Variants in RAB11FIP2 observed in about 807,000 individuals in gnomAD.
RAB11FIP2 encodes the protein RAB11 family interacting protein 2.
Under a neutral mutation model 40.9 loss-of-function variants are expected in RAB11FIP2, and 16 were observed. The observed-to-expected ratio is 0.39, with a 90% CI of 0.26 to 0.59. The LOEUF (loss-of-function observed/expected upper bound fraction) is 0.59, where lower values mean the gene tolerates loss of function less well. Ranked by LOEUF, RAB11FIP2 falls within the 20% of genes least tolerant of loss-of-function variation. RAB11FIP2 has a pLI of 0.53. For synonymous variants in RAB11FIP2, 228 were observed against 213.7 expected, an observed-to-expected ratio of 1.07 and a Z score of -0.58; for missense variants, 532 against 606.2, an observed-to-expected ratio of 0.88 and a Z score of 1.28.
chr10:118,038,495 A>T (rs888652598), intron 3 of RAB11FIP2, among the ~76,000 whole-genome samples: 2 of 152,150 alleles, frequency 1.3e-5, no homozygotes, highest in Non-Finnish European at 2.9e-5. Context: ...CCACTTCTAA[A>T]TAGCCATTTA....
chr10:118,044,659 T>C (rs1846603449), intron 1 of RAB11FIP2, among the ~76,000 whole-genome samples: 2 of 152,112 alleles, frequency 1.3e-5, no homozygotes, highest in Admixed American at 1.3e-4. Context: ...GGTTAAGACC[T>C]GATTTAAAAT....
intron 1 of RAB11FIP2, 67 bp downstream of exon 1, chr10:118,045,744 C>T: frequency 7.6e-7 from 1 of 1,315,448 alleles, no homozygotes; most frequent in South Asian, 1.5e-5. Context: ...CGGATAATTT[C>T]CAAGAACAGA....
intron 3 of RAB11FIP2, among the ~76,000 whole-genome samples, chr10:118,027,043 A>G (rs1255231800): frequency 6.6e-6 from 1 of 152,082 alleles, no homozygotes; most frequent in African/African-American, 2.4e-5. Context: ...ATTCCACCTA[A>G]TTTATTTAAA....
In RAB11FIP2 at chr10:118,040,412, ATCTTT is replaced by A; in HGVS notation, c.502_506del (p.Lys168Ter). 1 of 1,613,822 alleles carries A rather than the reference ATCTTT, an allele frequency of 6.2e-7. No individual in the cohort carries two copies. Among genetic ancestry groups the A allele is most frequent in the African/African-American group, 1.3e-5 (1 of 75,008 alleles). The stretch of plus-strand genomic sequence containing the variant: ...CATCATTTTTTCTACCCTTCATCTT[ATCTTT>A]TAACTTTGCAAAAGGAGATCTGGTT... On this transcript the variant is annotated frameshift_variant, in exon 2 of 5. Coordinates refer to ENST00000355624, the MANE Select transcript of RAB11FIP2 (RefSeq NM_014904.3). LOFTEE classifies it high-confidence loss of function.
In RAB11FIP2 at chr10:118,009,137, A is replaced by C; in HGVS notation, c.1400T>G (p.Leu467Arg). Residue 467 changes from leucine to arginine, a missense_variant, in exon 5 of 5, where the codon CTT becomes CGT. Physicochemically the swap from Leu to Arg is moderately radical, Grantham distance 102 (BLOSUM62 -2). Transcript: ENST00000355624. The stretch of plus-strand genomic sequence containing the variant: ...CCGGATGTGGGTGTCTTTCCTCCTA[A>C]GGAGTTCTTTGTGTTTCACCAGCTC... ...LQELVKHKELLRRKDTHIREL... is the reference protein window; with the variant it reads ...LQELVKHKELRRRKDTHIREL... The C allele has an allele frequency of 6.2e-7, 1 of 1,613,524 alleles. No individual in the cohort carries two copies. The highest frequency in any genetic ancestry group is 8.5e-7 in the Non-Finnish European group (1 of 1,179,556).
At position 118,005,798 on chromosome 10, in the gene RAB11FIP2, C is replaced by T. The variant is rs995059990; in HGVS notation, c.*3200G>A. 2.6e-5 allele frequency: 4 copies of T among 151,782 alleles called. No homozygotes were observed. The highest frequency in any genetic ancestry group is 5.9e-5 in the Non-Finnish European group (4 of 67,856). The allele number at this position is 151,782 out of a possible 1,614,324, so 9.4% of individuals were successfully genotyped here. A position where few individuals can be genotyped will look rare whatever the true frequency, so the allele number is the denominator to read the frequency against. ...TCTTTGTTAAAGAATAAGCACCCTT[C>T]CGGGGATGGTAGGCAGGGAGGCGTG... is the stretch of plus-strand genomic sequence containing the variant. On this transcript the variant is annotated 3_prime_UTR_variant, in exon 5 of 5. Coordinates refer to ENST00000355624, the MANE Select transcript of RAB11FIP2 (RefSeq NM_014904.3).
At chr10:118,032,272 A>G (rs1386429488) in intron 3 of RAB11FIP2, among the ~76,000 whole-genome samples, 6 of 152,046 alleles carry the variant, frequency 3.9e-5, no homozygotes, top group African/African-American at 1.4e-4. Flanking sequence ...GTCATTCATC[A>G]CTATTGACTC....
chr10:118,027,253 AAC>A (rs1846354075), intron 3 of RAB11FIP2, among the ~76,000 whole-genome samples: 1 of 152,226 alleles, frequency 6.6e-6, no homozygotes, highest in African/African-American at 2.4e-5. Flanking sequence ...CCACGCGGCT[AAC>A]AGAGACTCAA....
chr10:118,014,189 C>A (rs1846189431), intron 4 of RAB11FIP2, among the ~76,000 whole-genome samples: 1 of 152,042 alleles, frequency 6.6e-6, no homozygotes, highest in African/African-American at 2.4e-5. Flanking sequence ...CTTCTTCTAG[C>A]CATGTCACAT....
At chr10:118,012,567 A>G (rs543550570) in intron 4 of RAB11FIP2, among the ~76,000 whole-genome samples, 3 of 152,042 alleles carry the variant, frequency 2.0e-5, no homozygotes, top group Admixed American at 6.5e-5. Flanking sequence ...ATAACTCCAA[A>G]TAAAATAATG....
chr10:118,044,964 A>AT (rs958029854), intron 1 of RAB11FIP2, among the ~76,000 whole-genome samples: 8 of 151,948 alleles, frequency 5.3e-5, no homozygotes, highest in African/African-American at 1.7e-4. Flanking sequence ...CTAAAAACAT[A>AT]TTTTTTTTCA....
chr10:118,013,201 A>C (rs1174056983), intron 4 of RAB11FIP2, among the ~76,000 whole-genome samples: 1 of 152,072 alleles, frequency 6.6e-6, no homozygotes, highest in East Asian at 1.9e-4. Context: ...ACTGACATCC[A>C]AGGCAACTAG....
intron 3 of RAB11FIP2, chr10:118,033,846 G>A: frequency 3.2e-6 from 2 of 631,442 alleles, no homozygotes; most frequent in Non-Finnish European, 5.7e-6. Flanking sequence ...ATAATGCTAA[G>A]TGCTCTAATA....
chr10:118,029,799 A>T (rs74445503), intron 3 of RAB11FIP2, among the ~76,000 whole-genome samples: 5,187 of 152,168 alleles, frequency 0.034, 281 homozygotes, highest in African/African-American at 0.12. Context: ...TGAATGTGGG[A>T]ATTTTCTGAG....
Position 118,046,776 on chromosome 10 carries a change from G to A in RAB11FIP2, c.-613C>T, listed in dbSNP as rs1564697248. ...GTAGCCAGGGGTGGAGTGGGGGAGGGCGGGGAACGCGGCCGCCCCGGCGCC... is the reference window on the plus strand; with the variant it reads ...GTAGCCAGGGGTGGAGTGGGGGAGGACGGGGAACGCGGCCGCCCCGGCGCC... On this transcript the variant is annotated 5_prime_UTR_variant, in exon 1 of 5. Transcript: ENST00000355624. 1.3e-5 allele frequency: 2 copies of A among 152,236 alleles called. No individual in the cohort carries two copies. The highest frequency in any genetic ancestry group is 1.3e-4 in the Admixed American group (2 of 15,264). 9.4% of individuals were successfully genotyped at this position (152,236 alleles called of 1,614,324 possible). A position where few individuals can be genotyped will look rare whatever the true frequency, so the allele number is the denominator to read the frequency against.
At position 118,017,257 on chromosome 10, in the gene RAB11FIP2, G is replaced by A. The variant is rs749879466; in HGVS notation, c.1266-2147C>T. 1.1e-4 allele frequency among the ~76,000 whole-genome samples: 16 copies of A among 152,222 alleles called. No individual in the cohort carries two copies. The Middle Eastern group carries it at 0.014, about 129-fold the overall frequency. On this transcript the variant is annotated intron_variant, in intron 3 of 4. Transcript: ENST00000355624. ...ACTTAGTGAGCACTGGCTGCACTGC[G>A]GAAGCCCTGAACATATAGGCCACAT...
chr10:118,044,067 A>G (rs1374669432), intron 1 of RAB11FIP2, among the ~76,000 whole-genome samples: 1 of 152,242 alleles, frequency 6.6e-6, no homozygotes, highest in Non-Finnish European at 1.5e-5. Flanking sequence ...TCAATTTTAT[A>G]TAATAGCCAG....
chr10:118,033,065 A>T (rs1347508619), intron 3 of RAB11FIP2, among the ~76,000 whole-genome samples: 1 of 151,990 alleles, frequency 6.6e-6, no homozygotes, highest in African/African-American at 2.4e-5. Flanking sequence ...TATCATAGGT[A>T]TATATGTATA....
intron 4 of RAB11FIP2, among the ~76,000 whole-genome samples, chr10:118,012,976 G>A (rs1846175491): frequency 6.6e-6 from 1 of 152,012 alleles, no homozygotes; most frequent in Non-Finnish European, 1.5e-5. Flanking sequence ...ACTACATGAA[G>A]TTTTCTAACC....
Sources: allele counts gnomAD v4.1 joint callset (sites outside exome capture counted in the v4.1 genomes callset), GRCh38; gene constraint gnomAD v4.1.1; transcripts MANE v1.5; gene names NCBI Gene and HGNC (gene_info 2026-07-23, HGNC 2026-07-21).